RFX4: variants seen among roughly 807,000 people sequenced by gnomAD.
The protein encoded by RFX4 is regulatory factor X4, also known as transcription factor RFX4.
RFX4 carries 10 observed loss-of-function variants against 95.0 expected under a neutral mutation model. The observed-to-expected ratio is 0.11, with a 90% CI of 0.06 to 0.18. RFX4 has a LOEUF of 0.18. RFX4 is among the 10% of genes least tolerant of loss of function. The probability of loss-of-function intolerance (pLI) is 1.00; values close to 1 mark genes in which losing one functional copy is unlikely to be tolerated. For missense variants in RFX4, 640 were observed against 922.0 expected (o/e 0.69, Z 3.96); for synonymous variants, 321 against 340.7 (o/e 0.94, Z 0.64).
intron 3 of RFX4, among the ~76,000 whole-genome samples, chr12:106,650,292 A>C (rs1417513402): frequency 6.6e-6 from 1 of 152,206 alleles, no homozygotes; most frequent in Non-Finnish European, 1.5e-5. Context: ...AAAAATAAGC[A>C]AAAAGGGATA....
intron 8 of RFX4, among the ~76,000 whole-genome samples, chr12:106,706,260 G>T (rs1449427579): frequency 6.6e-6 from 1 of 152,202 alleles, no homozygotes; most frequent in African/African-American, 2.4e-5. Context: ...GGGGGCTGCA[G>T]CAAGAATTGG....
At chr12:106,752,926 A>T (rs2043036895) in intron 17 of RFX4, among the ~76,000 whole-genome samples, 1 of 151,980 alleles carries the variant, frequency 6.6e-6, no homozygotes, top group African/African-American at 2.4e-5. Flanking sequence ...CATCCTAAGT[A>T]TCTCTGTATG....
intron 3 of RFX4, among the ~76,000 whole-genome samples, chr12:106,651,098 C>T (rs1297469711): frequency 6.6e-6 from 1 of 152,108 alleles, no homozygotes; most frequent in Non-Finnish European, 1.5e-5. Flanking sequence ...AGACTCCCTC[C>T]ACCTCCCATA....
intron 4 of RFX4, among the ~76,000 whole-genome samples, chr12:106,677,356 G>A (rs902047095): frequency 6.6e-5 from 10 of 152,108 alleles, no homozygotes; most frequent in Admixed American, 5.9e-4. Context: ...ACAGCACTGT[G>A]GATGTGGGAG....
intron 1 of RFX4, among the ~76,000 whole-genome samples, chr12:106,596,321 C>T (rs768975450): frequency 5.3e-5 from 8 of 152,168 alleles, no homozygotes; most frequent in African/African-American, 1.4e-4. Flanking sequence ...CTGCCATCCA[C>T]GTAAGATGTG....
chr12:106,628,306 A>C (rs1301761582), intron 2 of RFX4, among the ~76,000 whole-genome samples: 1 of 152,144 alleles, frequency 6.6e-6, no homozygotes. Flanking sequence ...ATGGGGCCAA[A>C]ATACTTGAGG....
intron 13 of RFX4, among the ~76,000 whole-genome samples, chr12:106,731,329 T>A (rs1214837108): frequency 6.6e-6 from 1 of 152,220 alleles, no homozygotes; most frequent in African/African-American, 2.4e-5. Context: ...AATCGTGTCA[T>A]CTTGCATAAG....
Position 106,686,880 on chromosome 12 carries a change from C to T in RFX4, c.378-4C>T. ...CTCTCTCCCTCCCTCCCCTTGTGGC[C>T]CAGGTACCATTACTATGGCATTGCA... On this transcript the variant is annotated splice_region_variant and splice_polypyrimidine_tract_variant and intron_variant, in intron 5 of 17. Transcript: ENST00000392842. 1 of 1,611,986 alleles carries T rather than the reference C, an allele frequency of 6.2e-7. No individual in the cohort carries two copies. Among genetic ancestry groups the T allele is most frequent in the Non-Finnish European group, 8.5e-7 (1 of 1,178,896 alleles).
intron 11 of RFX4, among the ~76,000 whole-genome samples, chr12:106,717,053 G>A (rs1297322394): frequency 6.6e-6 from 1 of 150,376 alleles, no homozygotes; most frequent in Non-Finnish European, 1.5e-5. Flanking sequence ...GAGGTTCCAG[G>A]ATCTTTCCAA....
intron 8 of RFX4, among the ~76,000 whole-genome samples, chr12:106,701,446 AT>A (rs2041988321): frequency 7.0e-6 from 1 of 142,648 alleles, no homozygotes; most frequent in African/African-American, 2.7e-5. Flanking sequence ...ATACCCATTC[AT>A]TATCTTCTTC....
intron 2 of RFX4, among the ~76,000 whole-genome samples, chr12:106,635,681 G>T (rs990318571): frequency 6.6e-6 from 1 of 152,060 alleles, no homozygotes; most frequent in African/African-American, 2.4e-5. Context: ...CTAGAAGTTG[G>T]GTTGTGAGGA....
chr12:106,660,817 G>T (rs1413592655), intron 4 of RFX4, among the ~76,000 whole-genome samples: 1 of 152,136 alleles, frequency 6.6e-6, no homozygotes, highest in Non-Finnish European at 1.5e-5. Context: ...ACAGGAGTGA[G>T]AACCCTATTG....
At chr12:106,595,090 C>T (rs564471075) in intron 1 of RFX4, among the ~76,000 whole-genome samples, 4 of 152,278 alleles carry the variant, frequency 2.6e-5, no homozygotes, top group African/African-American at 9.6e-5. Flanking sequence ...CTGTGCTGAA[C>T]ACTTATGCAT....
intron 10 of RFX4, among the ~76,000 whole-genome samples, chr12:106,712,533 T>C (rs2042210621): frequency 6.6e-6 from 1 of 151,068 alleles, no homozygotes; most frequent in African/African-American, 2.4e-5. Flanking sequence ...TAGGGAGGGG[T>C]TTCTAGTTAG....
At chr12:106,756,504 T>C (rs567715986) in intron 17 of RFX4, among the ~76,000 whole-genome samples, 2 of 152,206 alleles carry the variant, frequency 1.3e-5, no homozygotes, top group South Asian at 2.1e-4. Context: ...CCCAGGACCA[T>C]TGGGTGCTAC....
chr12:106,688,064 C>CTTTTTT (rs754808212), intron 6 of RFX4, among the ~76,000 whole-genome samples: 141 of 96,136 alleles, frequency 1.5e-3, no homozygotes, highest in Non-Finnish European at 1.9e-3. Context: ...TATCACATTT[C>CTTTTTT]TTTTTTTTTT....
chr12:106,720,535 A>C lies in RFX4; in HGVS notation c.1234-224A>C, dbSNP rs1409926585. Among the ~76,000 whole-genome samples the C allele has an allele frequency of 2.0e-5, 3 of 151,934 alleles. No homozygotes were observed. Among genetic ancestry groups the C allele is most frequent in the African/African-American group, 7.3e-5 (3 of 41,348 alleles). On this transcript the variant is annotated intron_variant, in intron 12 of 17. Transcript: ENST00000392842. This position sits in a 1 kb window ranked among gnomAD's most constrained non-coding sequence, Gnocchi z 4.2. ...GTAGCTGGGACTACAGGGGTGTGCC[A>C]CCATTCCCAGCTAATTTTTGTATTT...
chr12:106,665,812 A>G (rs1217185980), intron 4 of RFX4, among the ~76,000 whole-genome samples: 1 of 144,406 alleles, frequency 6.9e-6, no homozygotes, highest in Non-Finnish European at 1.6e-5. Flanking sequence ...CTCTGTAAAA[A>G]AAAACATGCA....
intron 4 of RFX4, among the ~76,000 whole-genome samples, chr12:106,665,880 CATT>C (rs570858615): frequency 8.6e-5 from 13 of 151,652 alleles, no homozygotes; most frequent in Non-Finnish European, 1.9e-4. Context: ...ACTTTGTTGC[CATT>C]ATTATTTTGA....
Sources: gnomAD v4.1 joint callset for allele counts (sites outside exome capture counted in the v4.1 genomes callset) on GRCh38, gnomAD v4.1.1 for gene constraint, Gnocchi (gnomAD v3.1) non-coding constraint, MANE v1.5 for transcripts, NCBI Gene and HGNC (gene_info 2026-07-23, HGNC 2026-07-21) for gene names.